Variants in CSRNP3 observed in about 807,000 individuals in gnomAD.
The protein encoded by CSRNP3 is cysteine and serine rich nuclear protein 3.
A neutral mutation model predicts 48.0 loss-of-function variants in CSRNP3; 12 were observed. The ratio of observed to expected loss-of-function variants is 0.25; its 90% confidence interval spans 0.16 to 0.41. The LOEUF (loss-of-function observed/expected upper bound fraction) is 0.41. Ranked by LOEUF, CSRNP3 falls within the 10% of genes least tolerant of loss-of-function variation. The pLI, the probability that CSRNP3 is intolerant of heterozygous loss-of-function variation, is 1.00. For missense variants in CSRNP3, 580 were observed against 724.4 expected (o/e 0.80, Z 2.29); for synonymous variants, 263 against 269.7 (o/e 0.98, Z 0.24).
chr2:165,633,446 G>C (rs1558956994), intron 4 of CSRNP3, among the ~76,000 whole-genome samples: 1 of 152,118 alleles, frequency 6.6e-6, no homozygotes, highest in African/African-American at 2.4e-5. Context: ...AAAATATTTA[G>C]GTATGTTTTC....
At chr2:165,587,263 A>T (rs1245789499) in intron 3 of CSRNP3, among the ~76,000 whole-genome samples, 1 of 152,184 alleles carries the variant, frequency 6.6e-6, no homozygotes, top group Non-Finnish European at 1.5e-5. Flanking sequence ...ATAGACAGGG[A>T]AGTGTGGGTG....
intron 3 of CSRNP3, among the ~76,000 whole-genome samples, chr2:165,560,827 T>C (rs925040016): frequency 6.6e-6 from 1 of 152,238 alleles, no homozygotes. Context: ...TTTCCGTTTA[T>C]GTACTTGGCT....
chr2:165,479,967 G>C (rs547288126), intron 1 of CSRNP3, among the ~76,000 whole-genome samples: 1 of 152,098 alleles, frequency 6.6e-6, no homozygotes, highest in African/African-American at 2.4e-5. Flanking sequence ...GTGTCACTTG[G>C]CTGAACTCTT....
chr2:165,626,664 CGT>C (rs1362424331), intron 4 of CSRNP3, among the ~76,000 whole-genome samples: 1 of 152,206 alleles, frequency 6.6e-6, no homozygotes, highest in Non-Finnish European at 1.5e-5. Flanking sequence ...GCTGCTACCT[CGT>C]GTTCTGCCAC....
chr2:165,646,330 A>ATTTGT (rs1352311496), intron 4 of CSRNP3, among the ~76,000 whole-genome samples: 1 of 151,604 alleles, frequency 6.6e-6, no homozygotes, highest in Non-Finnish European at 1.5e-5. Context: ...GCTGTTGAGG[A>ATTTGT]TTTGTTTTGT....
intron 2 of CSRNP3, among the ~76,000 whole-genome samples, chr2:165,507,422 G>A (rs1182690086): frequency 6.6e-6 from 1 of 152,064 alleles, no homozygotes; most frequent in Non-Finnish European, 1.5e-5. Context: ...CTCTTGAACA[G>A]CATTGAATCT....
At position 165,682,318 on chromosome 2, in the gene CSRNP3, T is replaced by C. The variant is rs1488765462; in HGVS notation, c.*2565T>C. On this transcript the variant is annotated 3_prime_UTR_variant, in exon 7 of 7. Coordinates refer to ENST00000651982, the MANE Select transcript of CSRNP3 (RefSeq NM_001172173.2). ...AAAGTCACTGCCCTGTGAGAAGAATTACCCTTCCAATCATGACAGCTTCTA... is the reference window on the plus strand; with the variant it reads ...AAAGTCACTGCCCTGTGAGAAGAATCACCCTTCCAATCATGACAGCTTCTA... 2 of 152,034 alleles carry C rather than the reference T, an allele frequency of 1.3e-5. No individual in the cohort carries two copies. The highest frequency in any genetic ancestry group is 3.9e-4 in the East Asian group (2 of 5,172). 9.4% of individuals were successfully genotyped at this position (152,034 alleles called of 1,614,324 possible).
intron 3 of CSRNP3, among the ~76,000 whole-genome samples, chr2:165,548,794 G>T (rs1214962904): frequency 1.3e-5 from 2 of 152,020 alleles, no homozygotes; most frequent in Non-Finnish European, 2.9e-5. Flanking sequence ...CTGTTTCTAT[G>T]ATGAATCTGT....
At chr2:165,610,978 A>C (rs901692741) in intron 4 of CSRNP3, among the ~76,000 whole-genome samples, 1 of 152,188 alleles carries the variant, frequency 6.6e-6, no homozygotes, top group Non-Finnish European at 1.5e-5. Context: ...TCAATAAAGC[A>C]TGAATTTTGA....
Position 165,518,007 on chromosome 2 carries a change from G to A in CSRNP3, c.-24+46G>A, listed in dbSNP as rs548700124. The A allele has an allele frequency of 9.8e-5, 15 of 152,392 alleles. No individual in the cohort carries two copies. The Middle Eastern group carries it at 0.01, about 104-fold the overall frequency. 9.4% of individuals were successfully genotyped at this position (152,392 alleles called of 1,614,324 possible). A position where few individuals can be genotyped will look rare whatever the true frequency, so the allele number is the denominator to read the frequency against. The stretch of plus-strand genomic sequence containing the variant: ...TATTCTCATGCTTTTACAGATTTGG[G>A]ATATAATCTGTGCATCTGTTTCAAG... On this transcript the variant is annotated intron_variant, in intron 3 of 6. Transcript: ENST00000651982.
intron 3 of CSRNP3, among the ~76,000 whole-genome samples, chr2:165,549,761 T>C (rs1685074984): frequency 1.3e-5 from 2 of 152,142 alleles, no homozygotes; most frequent in Non-Finnish European, 2.9e-5. Flanking sequence ...ACAGAGGCCC[T>C]GGAGTAAAAT....
At position 165,678,855 on chromosome 2, in the gene CSRNP3, C is replaced by G. The variant is rs3731764; in HGVS notation, c.860C>G (p.Thr287Arg). 8.1e-6 allele frequency: 13 copies of G among 1,614,064 alleles called. No homozygotes were observed. The highest frequency in any genetic ancestry group is 1.0e-5 in the Non-Finnish European group (12 of 1,180,004). Reference protein sequence around the residue: ...LEKNREQQIPTLNGCHSEISA... With the variant: ...LEKNREQQIPRLNGCHSEISA... ...AAAAACCGAGAGCAGCAAATCCCCA[C>G]GCTGAATGGCTGCCACAGTGAGATA... is the stretch of plus-strand genomic sequence containing the variant. The change falls in exon 7 of 7, where the codon ACG (threonine) becomes AGG (arginine). Residue 287 changes from threonine (T) to arginine (R), a missense_variant. Coordinates refer to ENST00000651982, the MANE Select transcript of CSRNP3 (RefSeq NM_001172173.2).
chr2:165,657,958 C>A lies in CSRNP3; in HGVS notation c.346C>A (p.Leu116Ile). Residue 116 changes from leucine to isoleucine, a missense_variant, in exon 5 of 7, where the codon CTC (leucine) becomes ATC (isoleucine). Leu to Ile is a conservative substitution (Grantham distance 5). Transcript: ENST00000651982. ...CGAGTTTGCAAGGGAGCAGGAGAGG[C>A]TCCACCGGGAGATGTTGAGAGAACA... ...LGEFAREQERLHREMLREHLR... is the reference protein window; with the variant it reads ...LGEFAREQERIHREMLREHLR... 1 of 1,613,938 alleles carries A rather than the reference C, an allele frequency of 6.2e-7. No homozygotes were observed. The highest frequency in any genetic ancestry group is 8.5e-7 in the Non-Finnish European group (1 of 1,179,982).
chr2:165,673,607 G>T (rs1350711738), intron 5 of CSRNP3, among the ~76,000 whole-genome samples: 2 of 151,890 alleles, frequency 1.3e-5, no homozygotes, highest in African/African-American at 4.8e-5. Context: ...GGCACGAATT[G>T]GTTATTCATG....
At chr2:165,577,120 C>A (rs1685464393) in intron 3 of CSRNP3, among the ~76,000 whole-genome samples, 1 of 151,188 alleles carries the variant, frequency 6.6e-6, no homozygotes, top group Non-Finnish European at 1.5e-5. Flanking sequence ...TATTTGTTCT[C>A]CTGAAATTCT....
At chr2:165,572,249 T>A (rs1211603154) in intron 3 of CSRNP3, 1 of 152,080 alleles carries the variant, frequency 6.6e-6, no homozygotes, top group African/African-American at 2.4e-5. Context: ...CTAGTAGACC[T>A]CAGATGATAA....
intron 4 of CSRNP3, among the ~76,000 whole-genome samples, chr2:165,654,797 T>A (rs1686974762): frequency 6.6e-6 from 1 of 152,164 alleles, no homozygotes; most frequent in South Asian, 2.1e-4. Context: ...GCCTGGTTAC[T>A]TTTTGTATTT....
At chr2:165,520,601 G>A (rs1222646545) in intron 3 of CSRNP3, among the ~76,000 whole-genome samples, 4 of 151,040 alleles carry the variant, frequency 2.6e-5, no homozygotes, top group Admixed American at 1.3e-4. Context: ...GGTATTTTAA[G>A]CAGTATATCA....
At chr2:165,585,166 A>C (rs1685606857) in intron 3 of CSRNP3, among the ~76,000 whole-genome samples, 1 of 151,988 alleles carries the variant, frequency 6.6e-6, no homozygotes, top group Admixed American at 6.5e-5. Flanking sequence ...ACATTTGGTT[A>C]ACTAAAGCTA....
Sources: gnomAD v4.1 joint callset for allele counts (sites outside exome capture counted in the v4.1 genomes callset) on GRCh38, gnomAD v4.1.1 for gene constraint, MANE v1.5 for transcripts, NCBI Gene and HGNC (gene_info 2026-07-23, HGNC 2026-07-21) for gene names.